Variants in MGAT4C observed in about 807,000 individuals in gnomAD.
MGAT4C encodes alpha-1,3-mannosyl-glycoprotein 4-beta-N-acetylglucosaminyltransferase C.
MGAT4C carries 19 observed loss-of-function variants against 40.1 expected under a neutral mutation model. That is an observed-to-expected ratio of 0.47 (90% CI 0.33 to 0.70). The LOEUF is 0.70. Ranked by LOEUF, MGAT4C falls within the 30% of genes least tolerant of loss-of-function variation. The probability of loss-of-function intolerance (pLI) is 0.02; values close to 1 mark genes in which losing one functional copy is unlikely to be tolerated. For missense variants in MGAT4C, 491 were observed against 563.2 expected (o/e 0.87, Z 1.30); for synonymous variants, 181 against 187.1 (o/e 0.97, Z 0.27).
intron 1 of MGAT4C, among the ~76,000 whole-genome samples, chr12:86,092,574 T>C (rs1325043090): frequency 6.6e-6 from 1 of 152,160 alleles, no homozygotes; most frequent in Non-Finnish European, 1.5e-5. Context: ...CAGGGAAATT[T>C]AGTACTTAGA....
intron 2 of MGAT4C, among the ~76,000 whole-genome samples, chr12:86,590,190 C>T (rs1961265109): frequency 6.6e-6 from 1 of 151,028 alleles, no homozygotes; most frequent in Non-Finnish European, 1.5e-5. Context: ...GCTCTACAGC[C>T]GCGATTCTCT....
At chr12:86,424,483 G>A (rs1956888763) in intron 3 of MGAT4C, among the ~76,000 whole-genome samples, 1 of 152,026 alleles carries the variant, frequency 6.6e-6, no homozygotes, top group Non-Finnish European at 1.5e-5. Flanking sequence ...TTAACTGTTA[G>A]GATTCAAGGG....
intron 3 of MGAT4C, among the ~76,000 whole-genome samples, chr12:86,364,296 T>C (rs1955545266): frequency 6.6e-6 from 1 of 152,104 alleles, no homozygotes; most frequent in Non-Finnish European, 1.5e-5. Context: ...CTCATGAACA[T>C]AGATACAAAT....
rs376881769 is a variant in MGAT4C, at chr12:86,101,453, T to G, written c.-56-51730A>C. The stretch of plus-strand genomic sequence containing the variant: ...CAAGGATGACTGGGGATTTTTTAGA[T>G]GAGGGAGTTGAGATAGTAAAGTAAA... On this transcript the variant is annotated intron_variant, in intron 1 of 4. Coordinates refer to ENST00000611864, the MANE Select transcript of MGAT4C (RefSeq NM_001351288.2). Among the ~76,000 whole-genome samples the G allele has an allele frequency of 2.0e-5, 3 of 151,922 alleles. No individual in the cohort carries two copies. In the East Asian group the frequency reaches 5.8e-4, roughly 29 times the overall value.
intron 2 of MGAT4C, among the ~76,000 whole-genome samples, chr12:86,509,756 C>A (rs1958539663): frequency 6.6e-6 from 1 of 152,056 alleles, no homozygotes; most frequent in Non-Finnish European, 1.5e-5. Flanking sequence ...GTTTGTAGTT[C>A]TCCTTGAAGA....
rs1187609865 is a variant in MGAT4C, at chr12:85,976,657, A to ACG, written c.*2631_*2632insCG. 1.4e-5 allele frequency: 2 copies of ACG among 146,536 alleles called. No homozygotes were observed. The highest frequency in any genetic ancestry group is 3.0e-5 in the Non-Finnish European group (2 of 66,276). 9.1% of individuals were successfully genotyped at this position (146,536 alleles called of 1,614,324 possible). On this transcript the variant is annotated 3_prime_UTR_variant, in exon 5 of 5. Coordinates refer to ENST00000611864, the MANE Select transcript of MGAT4C (RefSeq NM_001351288.2). The stretch of plus-strand genomic sequence containing the variant: ...TTTTAACAAAGAAAATTATATATAT[A>ACG]TGTATATATATATTATATATATGTA...
intron 2 of MGAT4C, among the ~76,000 whole-genome samples, chr12:86,665,819 C>A (rs1964091852): frequency 6.6e-6 from 1 of 152,036 alleles, no homozygotes; most frequent in Non-Finnish European, 1.5e-5. Flanking sequence ...GATCGTTTTC[C>A]TCAGGCAAAA....
chr12:86,653,209 T>C (rs1288364583), intron 2 of MGAT4C, among the ~76,000 whole-genome samples: 1 of 151,872 alleles, frequency 6.6e-6, no homozygotes. Context: ...GATTAAGTAA[T>C]ACAGAAGTTT....
At chr12:86,396,560 T>G (rs952949432) in intron 3 of MGAT4C, among the ~76,000 whole-genome samples, 1 of 152,090 alleles carries the variant, frequency 6.6e-6, no homozygotes, top group Non-Finnish European at 1.5e-5. Context: ...AATGGAAAAT[T>G]TTATTCATGT....
chr12:86,360,221 C>A (rs971685447), intron 3 of MGAT4C, among the ~76,000 whole-genome samples: 1 of 152,096 alleles, frequency 6.6e-6, no homozygotes, highest in African/African-American at 2.4e-5. Flanking sequence ...AAAAACAGAA[C>A]CAAAGACAAA....
intron 1 of MGAT4C, among the ~76,000 whole-genome samples, chr12:86,798,347 T>C (rs917109277): frequency 3.3e-5 from 5 of 151,996 alleles, no homozygotes; most frequent in Non-Finnish European, 5.9e-5. Context: ...TCTTCCCATC[T>C]TCCTCTTTAA....
At chr12:85,988,360 T>A (rs1158569716) in intron 3 of MGAT4C, among the ~76,000 whole-genome samples, 1 of 152,136 alleles carries the variant, frequency 6.6e-6, no homozygotes, top group Non-Finnish European at 1.5e-5. Context: ...GGTTGACTCA[T>A]AGGATATAGC....
chr12:86,017,379 T>C (rs1301975505), intron 2 of MGAT4C, among the ~76,000 whole-genome samples: 1 of 152,170 alleles, frequency 6.6e-6, no homozygotes, highest in African/African-American at 2.4e-5. Context: ...GGCTCTTTAA[T>C]TGAAAAAATG....
At chr12:86,107,142 T>A (rs1231194608) in intron 1 of MGAT4C, among the ~76,000 whole-genome samples, 1 of 152,212 alleles carries the variant, frequency 6.6e-6, no homozygotes, top group Non-Finnish European at 1.5e-5. Context: ...ATCTTGAAAT[T>A]GAGAATTTGA....
intron 2 of MGAT4C, among the ~76,000 whole-genome samples, chr12:86,476,691 T>C (rs573174171): frequency 6.6e-6 from 1 of 152,182 alleles, no homozygotes; most frequent in East Asian, 1.9e-4. Context: ...TGCCCATCAA[T>C]GGTGGATTGG....
chr12:86,675,734 G>A, intron 2 of MGAT4C, among the ~76,000 whole-genome samples: 1 of 152,092 alleles, frequency 6.6e-6, no homozygotes, highest in East Asian at 1.9e-4. Flanking sequence ...GGGGATGCAT[G>A]TAATATTTTT....
chr12:86,615,933 A>T (rs897409676), intron 2 of MGAT4C, among the ~76,000 whole-genome samples: 2 of 152,092 alleles, frequency 1.3e-5, no homozygotes, highest in Non-Finnish European at 2.9e-5. Flanking sequence ...GCAAAACTGG[A>T]GAAGCATTTA....
chr12:86,551,100 T>C (rs1262634099), intron 2 of MGAT4C, among the ~76,000 whole-genome samples: 3 of 152,080 alleles, frequency 2.0e-5, no homozygotes, highest in Non-Finnish European at 4.4e-5. Flanking sequence ...TGAGCAGCTT[T>C]GTGCCTGTAT....
chr12:86,676,049 C>T (rs1964391453), intron 2 of MGAT4C, among the ~76,000 whole-genome samples: 1 of 150,830 alleles, frequency 6.6e-6, no homozygotes, highest in South Asian at 2.1e-4. Context: ...ACAGTTGTAA[C>T]CCATATGATA....
Sources: allele counts gnomAD v4.1 joint callset (sites outside exome capture counted in the v4.1 genomes callset), GRCh38; gene constraint gnomAD v4.1.1; transcripts MANE v1.5; gene names NCBI Gene and HGNC (gene_info 2026-07-23, HGNC 2026-07-21).